Variants in NOS1AP observed in about 807,000 individuals in gnomAD.
NOS1AP encodes nitric oxide synthase 1 adaptor protein.
NOS1AP carries 21 observed loss-of-function variants against 56.2 expected under a neutral mutation model. The observed-to-expected ratio is 0.37, with a 90% confidence interval of 0.26 to 0.54. NOS1AP has a LOEUF of 0.54. NOS1AP is among the 20% of genes least tolerant of loss of function. NOS1AP has a pLI of 0.84. For missense variants in NOS1AP, 522 were observed against 657.8 expected (o/e 0.79, Z 2.26); for synonymous variants, 270 against 274.6 (o/e 0.98, Z 0.17).
intron 7 of NOS1AP, among the ~76,000 whole-genome samples, chr1:162,356,136 T>G (rs1657697707): frequency 6.6e-6 from 1 of 152,202 alleles, no homozygotes; most frequent in Non-Finnish European, 1.5e-5. Flanking sequence ...ACGTTTCCTT[T>G]GGAACCAGTT....
At chr1:162,105,762 A>C (rs1647479114) in intron 1 of NOS1AP, among the ~76,000 whole-genome samples, 1 of 152,226 alleles carries the variant, frequency 6.6e-6, no homozygotes, top group Non-Finnish European at 1.5e-5. Flanking sequence ...CACCAGGCTG[A>C]AATGACGGAG....
chr1:162,219,596 C>T (rs1188574514), intron 2 of NOS1AP, among the ~76,000 whole-genome samples: 2 of 152,172 alleles, frequency 1.3e-5, no homozygotes, highest in African/African-American at 2.4e-5. Flanking sequence ...ACAGATGGGG[C>T]ACAATAATTA....
intron 1 of NOS1AP, among the ~76,000 whole-genome samples, chr1:162,070,932 A>C (rs944794722): frequency 6.6e-6 from 1 of 152,084 alleles, no homozygotes; most frequent in Non-Finnish European, 1.5e-5. Flanking sequence ...TGAAGAATTT[A>C]GCAGAGATGA....
intron 4 of NOS1AP, among the ~76,000 whole-genome samples, chr1:162,328,560 C>A (rs75726361): frequency 0.024 from 3,643 of 152,238 alleles, 68 homozygotes; most frequent in Non-Finnish European, 0.036. Flanking sequence ...CATACTCATT[C>A]TTTAAACCTT....
chr1:162,359,153 A>G (rs1350741879), intron 8 of NOS1AP, among the ~76,000 whole-genome samples: 2 of 152,188 alleles, frequency 1.3e-5, no homozygotes, highest in Non-Finnish European at 2.9e-5. Flanking sequence ...TCGGTTCCAC[A>G]TGTCCACAGG....
intron 6 of NOS1AP, among the ~76,000 whole-genome samples, chr1:162,351,372 T>C (rs539562004): frequency 1.2e-3 from 183 of 152,206 alleles, no homozygotes; most frequent in Non-Finnish European, 2.3e-3. Context: ...AACTCAGGAG[T>C]ATTTTTTCAT....
Position 162,188,109 on chromosome 1 carries a change from CT to C in NOS1AP, c.177+33634del. Among the ~76,000 whole-genome samples, 1 of 152,198 alleles carries C rather than the reference CT, an allele frequency of 6.6e-6. No homozygotes were observed. The highest frequency in any genetic ancestry group is 1.9e-4 in the East Asian group (1 of 5,190). ...AATTACCCATTGACTGTTTTCCCAT[CT>C]GCCTAGTAGGGAAAGTGGCTGGACT... On this transcript the variant is annotated intron_variant, in intron 2 of 9. Coordinates refer to ENST00000361897, the MANE Select transcript of NOS1AP (RefSeq NM_014697.3). This position sits in a 1 kb window ranked among gnomAD's most constrained non-coding sequence, Gnocchi z 4.0.
intron 1 of NOS1AP, among the ~76,000 whole-genome samples, chr1:162,140,274 T>A (rs947009205): frequency 2.0e-5 from 3 of 152,216 alleles, no homozygotes; most frequent in Non-Finnish European, 4.4e-5. Flanking sequence ...AGACAATCAT[T>A]TATTTGCTAG....
intron 2 of NOS1AP, among the ~76,000 whole-genome samples, chr1:162,255,922 T>C (rs1383724552): frequency 6.6e-6 from 1 of 152,112 alleles, no homozygotes; most frequent in Non-Finnish European, 1.5e-5. Context: ...AGGCAGCAGA[T>C]CACCTGGGGT....
At chr1:162,121,280 A>G (rs889046042) in intron 1 of NOS1AP, among the ~76,000 whole-genome samples, 1 of 151,242 alleles carries the variant, frequency 6.6e-6, no homozygotes, top group African/African-American at 2.4e-5. Context: ...GGTGCATGCC[A>G]CCACACCCGG....
chr1:162,187,528 C>T (rs1187346497), intron 2 of NOS1AP, among the ~76,000 whole-genome samples: 1 of 152,150 alleles, frequency 6.6e-6, no homozygotes, highest in Non-Finnish European at 1.5e-5. Context: ...TAGAATTTTG[C>T]ACCCAAGGGT....
intron 2 of NOS1AP, among the ~76,000 whole-genome samples, chr1:162,186,947 TTTG>T (rs770313465): frequency 9.9e-5 from 15 of 152,006 alleles, no homozygotes; most frequent in South Asian, 2.1e-4. Flanking sequence ...TGTTGTTGGT[TTTG>T]TTGTTGTTGT....
At chr1:162,114,324 T>C (rs10918691) in intron 1 of NOS1AP, among the ~76,000 whole-genome samples, 4,641 of 152,168 alleles carry the variant, frequency 0.03, 229 homozygotes, top group African/African-American at 0.1. Context: ...GCAACATCTA[T>C]AGGGCAAGCT....
rs1374902723 is a variant in NOS1AP, at chr1:162,308,691, G to A, written c.344+7985G>A. ...CATCGTGCTGCTGTACAGGAGATGT[G>A]CTTAAAGGAATTCCGTCCATTACCA... On this transcript the variant is annotated intron_variant, in intron 4 of 9. Transcript: ENST00000361897. Among the ~76,000 whole-genome samples the A allele has an allele frequency of 2.0e-5, 3 of 152,316 alleles. No homozygotes were observed. The East Asian group carries it at 5.8e-4, about 29-fold the overall frequency.
At chr1:162,251,583 G>A (rs542699474) in intron 2 of NOS1AP, among the ~76,000 whole-genome samples, 24 of 150,412 alleles carry the variant, frequency 1.6e-4, no homozygotes, top group Middle Eastern at 3.4e-3. Context: ...TTCAGGCTGG[G>A]TTTATTTAAA....
chr1:162,283,163 CAT>C (rs924804364), intron 2 of NOS1AP, among the ~76,000 whole-genome samples: 4 of 150,654 alleles, frequency 2.7e-5, no homozygotes, highest in African/African-American at 9.8e-5. Context: ...ATATTTTTAA[CAT>C]ATATATATAA....
At chr1:162,253,448 A>C (rs1413828613) in intron 2 of NOS1AP, among the ~76,000 whole-genome samples, 1 of 152,218 alleles carries the variant, frequency 6.6e-6, no homozygotes, top group Admixed American at 6.5e-5. Context: ...ACAGATATAG[A>C]AGAAAACTTA....
intron 4 of NOS1AP, among the ~76,000 whole-genome samples, chr1:162,303,658 T>G (rs1352074731): frequency 6.6e-6 from 1 of 152,138 alleles, no homozygotes; most frequent in Non-Finnish European, 1.5e-5. Flanking sequence ...CCCAGGCTGG[T>G]CTTGAACTGC....
chr1:162,300,488 C>T (rs1242152304), intron 3 of NOS1AP, 145 bp from the exon 4 acceptor site: 2 of 735,130 alleles, frequency 2.7e-6, no homozygotes, highest in African/African-American at 1.7e-5. Flanking sequence ...ATTTTGCACT[C>T]GTCGTTTTGG....
Sources: allele counts gnomAD v4.1 joint callset (sites outside exome capture counted in the v4.1 genomes callset), GRCh38; gene constraint gnomAD v4.1.1; non-coding constraint Gnocchi (gnomAD v3.1); transcripts MANE v1.5; gene names NCBI Gene and HGNC (gene_info 2026-07-23, HGNC 2026-07-21).